ADAM12: variants seen among roughly 807,000 people sequenced by gnomAD.
The protein encoded by ADAM12 is ADAM metallopeptidase domain 12.
ADAM12 carries 70 observed loss-of-function variants against 106.4 expected under a neutral mutation model. The observed-to-expected ratio is 0.66, with a 90% confidence interval of 0.54 to 0.80. The LOEUF is 0.80. Among genes scored for constraint, ADAM12 ranks in the 30% least tolerant of loss-of-function variants. The pLI is 0.00. For missense variants in ADAM12, 1,010 were observed against 1,171.9 expected, an observed-to-expected ratio of 0.86 and a Z score of 2.02; for synonymous variants, 420 against 433.5, an observed-to-expected ratio of 0.97 and a Z score of 0.39.
chr10:126,374,520 A>G (rs1003477855), intron 1 of ADAM12, among the ~76,000 whole-genome samples: 4 of 152,232 alleles, frequency 2.6e-5, no homozygotes, highest in African/African-American at 9.6e-5. Flanking sequence ...AAGTTTGAAA[A>G]AGAGCAAAAC....
intron 14 of ADAM12, among the ~76,000 whole-genome samples, chr10:126,061,749 T>C (rs951536051): frequency 2.0e-5 from 3 of 152,130 alleles, no homozygotes; most frequent in African/African-American, 7.2e-5. Flanking sequence ...CTCTAAAAGT[T>C]GGGAAAGGCA....
chr10:126,344,647 A>C (rs1486267865), intron 1 of ADAM12, among the ~76,000 whole-genome samples: 1 of 152,136 alleles, frequency 6.6e-6, no homozygotes, highest in Non-Finnish European at 1.5e-5. Flanking sequence ...GATTCTTCCT[A>C]TCCATGAGCA....
rs187070472 is a variant in ADAM12, at chr10:126,357,699, G to A, written c.89-27190C>T. Reference sequence around the variant, plus strand: ...AGCAAGAAGAAGTGCCGAGCAAAACGGGGAAAAGACCCTTATAAAAAGACC... The same window carrying A: ...AGCAAGAAGAAGTGCCGAGCAAAACAGGGAAAAGACCCTTATAAAAAGACC... On this transcript the variant is annotated intron_variant, in intron 1 of 22. Coordinates refer to ENST00000448723, the MANE Select transcript of ADAM12 (RefSeq NM_001288973.2). 7.0e-4 allele frequency among the ~76,000 whole-genome samples: 107 copies of A among 152,186 alleles called. 1 individual carries two copies. Among genetic ancestry groups the A allele is most frequent in the African/African-American group, 2.4e-3 (100 of 41,524 alleles).
intron 5 of ADAM12, among the ~76,000 whole-genome samples, chr10:126,119,461 T>C (rs543100443): frequency 2.0e-5 from 3 of 152,380 alleles, no homozygotes; most frequent in Admixed American, 6.5e-5. Flanking sequence ...ATTAGGCATC[T>C]GTTAACAGGT....
At chr10:126,134,443 G>A (rs1199152879) in intron 5 of ADAM12, among the ~76,000 whole-genome samples, 1 of 152,224 alleles carries the variant, frequency 6.6e-6, no homozygotes, top group Non-Finnish European at 1.5e-5. Context: ...AGAAAGCTGG[G>A]AGGGGAATTC....
chr10:126,203,449 G>A (rs2133823472), intron 3 of ADAM12, among the ~76,000 whole-genome samples: 1 of 152,272 alleles, frequency 6.6e-6, no homozygotes, highest in East Asian at 1.9e-4. Flanking sequence ...GTGGAATGGA[G>A]GTGCTTCAGC....
intron 3 of ADAM12, among the ~76,000 whole-genome samples, chr10:126,191,577 T>C (rs143632571): frequency 0.017 from 2,628 of 150,968 alleles, 73 homozygotes; most frequent in African/African-American, 0.057. Context: ...TTCCTAATGT[T>C]CTGGTTTGAG....
chr10:126,314,944 T>G (rs1480325666), intron 2 of ADAM12, among the ~76,000 whole-genome samples: 2 of 152,114 alleles, frequency 1.3e-5, no homozygotes, highest in Non-Finnish European at 2.9e-5. Context: ...ACTGCCCCAG[T>G]TTGTACAGAA....
intron 3 of ADAM12, among the ~76,000 whole-genome samples, chr10:126,164,000 G>C (rs999456172): frequency 1.3e-5 from 2 of 152,174 alleles, no homozygotes; most frequent in Non-Finnish European, 2.9e-5. Flanking sequence ...ATGGGGTGGG[G>C]ACAATCTCAT....
At position 126,017,266 on chromosome 10, in the gene ADAM12, A is replaced by G. The variant is rs1382310314; in HGVS notation, c.*13T>C. On this transcript the variant is annotated 3_prime_UTR_variant, in exon 23 of 23. Coordinates refer to ENST00000448723, the MANE Select transcript of ADAM12 (RefSeq NM_001288973.2). ...AACTTCTGTCTTCACTGTTGAAAAA[A>G]GGTGTCGGCTTCTCACTTAATATAG... is the stretch of plus-strand genomic sequence containing the variant. 6.3e-7 allele frequency: 1 copy of G among 1,584,746 alleles called. No individual in the cohort carries two copies.
chr10:126,330,005 T>C (rs1854448766), intron 2 of ADAM12, among the ~76,000 whole-genome samples: 1 of 152,238 alleles, frequency 6.6e-6, no homozygotes, highest in South Asian at 2.1e-4. Context: ...AAAGTTTAGA[T>C]TGCATTAAAA....
chr10:126,367,604 G>T (rs563044811), intron 1 of ADAM12, among the ~76,000 whole-genome samples: 1 of 151,686 alleles, frequency 6.6e-6, no homozygotes, highest in African/African-American at 2.4e-5. Flanking sequence ...TGAAACCAAA[G>T]TTGGTTGTTT....
intron 2 of ADAM12, among the ~76,000 whole-genome samples, chr10:126,305,390 A>G (rs890751552): frequency 6.6e-6 from 1 of 152,114 alleles, no homozygotes; most frequent in African/African-American, 2.4e-5. Flanking sequence ...GATTTCGTAC[A>G]TATGAGTTTC....
chr10:126,259,952 T>A (rs7071914), intron 3 of ADAM12, among the ~76,000 whole-genome samples: 76,511 of 151,958 alleles, frequency 0.5, 19,487 homozygotes, highest in Non-Finnish European at 0.54. Flanking sequence ...TTGGTCATTG[T>A]GAGTCAGACC....
intron 3 of ADAM12, among the ~76,000 whole-genome samples, chr10:126,212,132 C>A (rs747018044): frequency 1.3e-5 from 2 of 152,156 alleles, no homozygotes; most frequent in Non-Finnish European, 2.9e-5. Context: ...TGCCAGGTAC[C>A]GCACTGGTGA....
chr10:126,327,927 G>C (rs1166819014), intron 2 of ADAM12, among the ~76,000 whole-genome samples: 1 of 152,140 alleles, frequency 6.6e-6, no homozygotes, highest in Non-Finnish European at 1.5e-5. Context: ...ATCACTCCAA[G>C]TCTGTCTTAT....
At chr10:126,302,619 A>C (rs557276066) in intron 2 of ADAM12, among the ~76,000 whole-genome samples, 12 of 152,192 alleles carry the variant, frequency 7.9e-5, no homozygotes, top group Non-Finnish European at 1.8e-4. Flanking sequence ...GATCTCTGCA[A>C]GTTTAAAACA....
chr10:126,095,459 G>A lies in ADAM12; in HGVS notation c.997-1326C>T, dbSNP rs191527113. ...TGAGGCAGGAGAATGGCGTGAACCCGGGAGGCGGAGCTTGCAGTGAGCCAA... is the reference window on the plus strand; with the variant it reads ...TGAGGCAGGAGAATGGCGTGAACCCAGGAGGCGGAGCTTGCAGTGAGCCAA... On this transcript the variant is annotated intron_variant, in intron 10 of 22. Coordinates refer to ENST00000448723, the MANE Select transcript of ADAM12 (RefSeq NM_001288973.2). Among the ~76,000 whole-genome samples the A allele has an allele frequency of 9.0e-3, 1,363 of 150,926 alleles. 28 individuals are homozygous for A. The highest frequency in any genetic ancestry group is 0.032 in the African/African-American group (1,317 of 40,994).
chr10:126,117,903 A>T, intron 6 of ADAM12, 135 bp downstream of exon 6: 1 of 945,338 alleles, frequency 1.1e-6, no homozygotes, highest in Non-Finnish European at 1.6e-6. Context: ...TACCACCTCC[A>T]GATAAACTGG....
Sources: gnomAD v4.1 joint callset for allele counts (sites outside exome capture counted in the v4.1 genomes callset) on GRCh38, gnomAD v4.1.1 for gene constraint, MANE v1.5 for transcripts, NCBI Gene and HGNC (gene_info 2026-07-23, HGNC 2026-07-21) for gene names.